The following AGMO variants were observed in gnomAD, a reference collection of about 807,000 sequenced individuals.
The protein encoded by AGMO is alkylglycerol monooxygenase.
Under a neutral mutation model 60.2 loss-of-function variants are expected in AGMO, and 75 were observed. The ratio of observed to expected loss-of-function variants is 1.25; its 90% CI spans 1.03 to 1.51. The LOEUF (loss-of-function observed/expected upper bound fraction) is 1.51, where lower values mean the gene tolerates loss of function less well. Among genes scored for constraint, AGMO ranks in the 40% most tolerant of loss-of-function variants. The probability of loss-of-function intolerance (pLI) is 0.00; values close to 1 mark genes in which losing one functional copy is unlikely to be tolerated. For missense variants in AGMO, 763 were observed against 525.5 expected (o/e 1.45, Z -4.42); for synonymous variants, 261 against 177.1 (o/e 1.47, Z -3.76).
chr7:15,156,267 G>T, the AGMO span, among the ~76,000 whole-genome samples: 1 of 152,318 alleles, frequency 6.6e-6, no homozygotes, highest in East Asian at 1.9e-4. Flanking sequence ...GGCGAGATCT[G>T]CCAGTGAAAG....
chr7:15,117,745 G>A, the AGMO span, among the ~76,000 whole-genome samples: 1 of 151,974 alleles, frequency 6.6e-6, no homozygotes, highest in Non-Finnish European at 1.5e-5. Flanking sequence ...CTTATCTACT[G>A]TTACGTCCAA....
chr7:15,119,324 C>T, the AGMO span, among the ~76,000 whole-genome samples: 1 of 151,978 alleles, frequency 6.6e-6, no homozygotes, highest in African/African-American at 2.4e-5. Context: ...TCCTGTACAG[C>T]CTGCAGAACT....
At chr7:15,411,029 G>C (rs969436553) in intron 5 of AGMO, among the ~76,000 whole-genome samples, 3 of 151,858 alleles carry the variant, frequency 2.0e-5, no homozygotes, top group African/African-American at 7.2e-5. Flanking sequence ...AGGTCATTAG[G>C]GTTTTGTCTT....
intron 3 of AGMO, among the ~76,000 whole-genome samples, chr7:15,444,519 C>T (rs565462185): frequency 2.0e-5 from 3 of 152,178 alleles, no homozygotes; most frequent in Non-Finnish European, 4.4e-5. Flanking sequence ...GTTTAGATGC[C>T]GTTGTATTTG....
At chr7:15,414,208 C>T (rs1780693336) in intron 5 of AGMO, among the ~76,000 whole-genome samples, 2 of 151,854 alleles carry the variant, frequency 1.3e-5, no homozygotes, top group Admixed American at 6.6e-5. Context: ...ATCATGTTAG[C>T]CAGATTGGTC....
chr7:15,303,918 T>C (rs1189439879), intron 12 of AGMO, among the ~76,000 whole-genome samples: 1 of 152,162 alleles, frequency 6.6e-6, no homozygotes, highest in African/African-American at 2.4e-5. Flanking sequence ...CTTTTATCGT[T>C]AAAATCATGA....
chr7:15,306,988 A>C (rs1316459527), intron 12 of AGMO, among the ~76,000 whole-genome samples: 1 of 125,876 alleles, frequency 7.9e-6, no homozygotes, highest in African/African-American at 3.0e-5. Context: ...TTTAATATAG[A>C]AAGTTGTACA....
At chr7:15,504,338 G>A (rs1783457240) in intron 3 of AGMO, among the ~76,000 whole-genome samples, 1 of 151,916 alleles carries the variant, frequency 6.6e-6, no homozygotes, top group Non-Finnish European at 1.5e-5. Context: ...ACTCTCCAAA[G>A]AACATTTGAT....
At chr7:15,131,279 G>C in the AGMO span, among the ~76,000 whole-genome samples, 1 of 152,108 alleles carries the variant, frequency 6.6e-6, no homozygotes, top group African/African-American at 2.4e-5. Flanking sequence ...TTGCAAAGTG[G>C]AGTTAGAGCT....
At chr7:15,536,773 A>C (rs1215447920) in intron 3 of AGMO, among the ~76,000 whole-genome samples, 1 of 151,994 alleles carries the variant, frequency 6.6e-6, no homozygotes, top group Non-Finnish European at 1.5e-5. Flanking sequence ...TAAGCTGATG[A>C]TTACCGCAAA....
chr7:15,274,254 TG>T (rs1019961957), intron 12 of AGMO, among the ~76,000 whole-genome samples: 3 of 152,156 alleles, frequency 2.0e-5, no homozygotes, highest in Non-Finnish European at 4.4e-5. Context: ...ATATTGGCTG[TG>T]GATTTGTCAT....
intron 12 of AGMO, among the ~76,000 whole-genome samples, chr7:15,357,284 ATTG>A (rs1583451685): frequency 6.6e-6 from 1 of 151,624 alleles, no homozygotes; most frequent in East Asian, 1.9e-4. Flanking sequence ...ACCATGAAAC[ATTG>A]TTGAGGACAG....
chr7:15,163,410 G>C, the AGMO span, among the ~76,000 whole-genome samples: 2 of 151,984 alleles, frequency 1.3e-5, no homozygotes, highest in Non-Finnish European at 2.9e-5. Context: ...GTTCTTAGGG[G>C]GAATACTTCC....
intron 12 of AGMO, among the ~76,000 whole-genome samples, chr7:15,322,111 GCCTGGGCAA>G (rs1396104235): frequency 6.6e-6 from 1 of 151,732 alleles, no homozygotes; most frequent in Admixed American, 6.6e-5. Context: ...TTCAAGTTCA[GCCTGGGCAA>G]CATAATGAGA....
intron 12 of AGMO, among the ~76,000 whole-genome samples, chr7:15,252,502 T>C (rs561799083): frequency 3.7e-4 from 56 of 152,174 alleles, no homozygotes; most frequent in Non-Finnish European, 6.9e-4. Context: ...AAAATGCCTA[T>C]GTGGAAAGCA....
At chr7:15,244,794 G>A (rs1356981645) in intron 12 of AGMO, among the ~76,000 whole-genome samples, 5 of 151,996 alleles carry the variant, frequency 3.3e-5, no homozygotes, top group African/African-American at 9.7e-5. Flanking sequence ...TGGGACTACA[G>A]GTGCCCGCCA....
chr7:15,371,376 G>A (rs79606913), intron 10 of AGMO, among the ~76,000 whole-genome samples: 13,800 of 150,474 alleles, frequency 0.092, 693 homozygotes, highest in Non-Finnish European at 0.12. Context: ...ACATGCTACC[G>A]TGCGCACAGC....
chr7:15,474,926 G>A (rs1382313319), intron 3 of AGMO, among the ~76,000 whole-genome samples: 1 of 151,456 alleles, frequency 6.6e-6, no homozygotes. Flanking sequence ...TTATGTGGCC[G>A]ACAAACATGA....
rs551371860 is a variant in AGMO, at chr7:15,360,054, G to A, written c.1263+5460C>T. Among the ~76,000 whole-genome samples the A allele has an allele frequency of 2.0e-4, 30 of 152,198 alleles. 1 individual carries two copies. The South Asian group carries it at 5.6e-3, about 28-fold the overall frequency. On this transcript the variant is annotated intron_variant, in intron 12 of 12. Transcript: ENST00000342526. ...TTGTACTGAAGCTTTTGGCGGAGTA[G>A]GCACAACATACTGCACGCACATTTA...
Sources: allele counts gnomAD v4.1 joint callset (sites outside exome capture counted in the v4.1 genomes callset), GRCh38; gene constraint gnomAD v4.1.1; transcripts MANE v1.5; gene names NCBI Gene and HGNC (gene_info 2026-07-23, HGNC 2026-07-21).